Variants in ARB2A observed in about 807,000 individuals in gnomAD.
The protein encoded by ARB2A is ARB2 cotranscriptional regulator A, also known as cotranscriptional regulator ARB2A.
the ARB2A span, chr5:93,866,361 C>T: frequency 1.1e-6 from 1 of 899,454 alleles, no homozygotes; most frequent in Non-Finnish European, 1.3e-6. Context: ...ACAGTGTTTT[C>T]AACTAACTTT....
At chr5:93,744,490 G>GT in the ARB2A span, among the ~76,000 whole-genome samples, 7 of 147,116 alleles carry the variant, frequency 4.8e-5, no homozygotes, top group Non-Finnish European at 1.0e-4. Context: ...AACTTGATGG[G>GT]TTTTTAAAAT....
At chr5:93,741,463 C>G in the ARB2A span, 1 of 1,613,552 alleles carries the variant, frequency 6.2e-7, no homozygotes, top group East Asian at 2.2e-5. Flanking sequence ...GGTGCTCAAC[C>G]AGGTCAGAGT....
At chr5:93,710,400 C>T in the ARB2A span, among the ~76,000 whole-genome samples, 1 of 152,256 alleles carries the variant, frequency 6.6e-6, no homozygotes, top group African/African-American at 2.4e-5. Flanking sequence ...ATTTCCAACT[C>T]CTGCCCTTCT....
At chr5:93,795,160 T>C in the ARB2A span, among the ~76,000 whole-genome samples, 2 of 151,954 alleles carry the variant, frequency 1.3e-5, no homozygotes, top group African/African-American at 4.8e-5. Flanking sequence ...TGTTTACCAG[T>C]CCAGTGAAGG....
the ARB2A span, among the ~76,000 whole-genome samples, chr5:93,687,018 T>C: frequency 2.0e-5 from 3 of 151,834 alleles, no homozygotes; most frequent in East Asian, 3.9e-4. Context: ...ACAAACTCCA[T>C]AAGCAAAGCA....
chr5:94,065,545 C>T, the ARB2A span, among the ~76,000 whole-genome samples: 2 of 151,920 alleles, frequency 1.3e-5, no homozygotes, highest in Non-Finnish European at 2.9e-5. Context: ...ACATTCCATG[C>T]AAACGAAAAC....
At chr5:94,101,610 TA>T in the ARB2A span, among the ~76,000 whole-genome samples, 38 of 152,156 alleles carry the variant, frequency 2.5e-4, no homozygotes, top group East Asian at 6.4e-3. Flanking sequence ...TACACAGTCA[TA>T]AAAAAATGAG....
At chr5:93,791,377 C>T in the ARB2A span, among the ~76,000 whole-genome samples, 11 of 152,186 alleles carry the variant, frequency 7.2e-5, no homozygotes, top group African/African-American at 2.7e-4. Flanking sequence ...ACAGGTAAGG[C>T]TTATAAAGTT....
chr5:94,072,602 C>A, the ARB2A span, among the ~76,000 whole-genome samples: 3 of 151,782 alleles, frequency 2.0e-5, no homozygotes, highest in Non-Finnish European at 2.9e-5. Context: ...GGTTAGAGGG[C>A]GGTGGTAAAT....
the ARB2A span, among the ~76,000 whole-genome samples, chr5:93,938,020 C>G: frequency 1.3e-5 from 2 of 152,040 alleles, no homozygotes; most frequent in African/African-American, 4.8e-5. Flanking sequence ...AGATGCAAAA[C>G]CCATGGAAAC....
the ARB2A span, among the ~76,000 whole-genome samples, chr5:93,759,484 T>C: frequency 6.6e-6 from 1 of 152,146 alleles, no homozygotes; most frequent in Non-Finnish European, 1.5e-5. Flanking sequence ...CGAACACAGA[T>C]GCTAAAATCT....
At chr5:93,804,725 T>A in the ARB2A span, 15 of 284,250 alleles carry the variant, frequency 5.3e-5, no homozygotes, top group East Asian at 8.7e-4. Flanking sequence ...AGATTTTTTT[T>A]ATTCAGAAAT....
the ARB2A span, among the ~76,000 whole-genome samples, chr5:93,906,653 T>C: frequency 6.6e-6 from 1 of 151,632 alleles, no homozygotes; most frequent in Non-Finnish European, 1.5e-5. Flanking sequence ...TAAGCTAACA[T>C]GTAAATAAAG....
the ARB2A span, among the ~76,000 whole-genome samples, chr5:94,061,480 A>C: frequency 1.3e-5 from 2 of 152,226 alleles, no homozygotes; most frequent in African/African-American, 4.8e-5. Context: ...AAGAAAAATA[A>C]AAGGCACATA....
the ARB2A span, among the ~76,000 whole-genome samples, chr5:94,067,053 G>A: frequency 6.6e-6 from 1 of 152,162 alleles, no homozygotes; most frequent in East Asian, 1.9e-4. Context: ...ATCAATTAGT[G>A]TGATACAGCA....
the ARB2A span, among the ~76,000 whole-genome samples, chr5:94,043,657 C>G: frequency 6.6e-6 from 1 of 152,164 alleles, no homozygotes; most frequent in Non-Finnish European, 1.5e-5. Context: ...GGTTTCTGAC[C>G]TGTGGCAAAT....
chr5:93,652,431 T>C, the ARB2A span, among the ~76,000 whole-genome samples: 1 of 152,218 alleles, frequency 6.6e-6, no homozygotes, highest in Non-Finnish European at 1.5e-5. Flanking sequence ...TAAAAAGTGA[T>C]CTGGATTTCT....
the ARB2A span, among the ~76,000 whole-genome samples, chr5:93,767,526 A>G: frequency 1.3e-5 from 2 of 152,142 alleles, no homozygotes; most frequent in Non-Finnish European, 2.9e-5. Flanking sequence ...ACTCCTGGGT[A>G]TCTACCCAGA....
chr5:93,926,767 T>G, the ARB2A span, among the ~76,000 whole-genome samples: 1 of 152,014 alleles, frequency 6.6e-6, no homozygotes, highest in African/African-American at 2.4e-5. Flanking sequence ...GATTTTTTTT[T>G]TTTTTTTAGT....
Sources: gnomAD v4.1 joint callset for allele counts (sites outside exome capture counted in the v4.1 genomes callset) on GRCh38, gnomAD v4.1.1 for gene constraint, MANE v1.5 for transcripts, NCBI Gene and HGNC (gene_info 2026-07-23, HGNC 2026-07-21) for gene names.